Variants in PALS2 observed in about 807,000 individuals in gnomAD.
The protein encoded by PALS2 is protein PALS2.
In PALS2, 27 loss-of-function variants were observed where a neutral mutation model predicts 61.6. That is an observed-to-expected ratio of 0.44 (90% CI 0.32 to 0.60). The LOEUF (loss-of-function observed/expected upper bound fraction) is 0.60. PALS2 is among the 20% of genes least tolerant of loss of function. PALS2 has a pLI of 0.05. For missense variants in PALS2, 554 were observed against 639.4 expected (o/e 0.87, Z 1.44); for synonymous variants, 236 against 218.6 (o/e 1.08, Z -0.70).
chr7:24,687,342 ATATCTAACC>A lies in PALS2; in HGVS notation c.1447-92_1447-84del. The A allele has an allele frequency of 1.1e-6, 1 of 922,776 alleles. No homozygotes were observed. The highest frequency in any genetic ancestry group is 1.7e-6 in the Non-Finnish European group (1 of 605,286). The allele number at this position is 922,776 out of a possible 1,614,324, so 57.2% of individuals were successfully genotyped here. ...GATTAATACCAGAATTACCAGAAATATATCTAACCTATTTATTATATTCACTTCTAGTTG... is the reference window on the plus strand; with the variant it reads ...GATTAATACCAGAATTACCAGAAATATATTTATTATATTCACTTCTAGTTG... On this transcript the variant is annotated intron_variant, in intron 11 of 11. Coordinates refer to ENST00000222644, the MANE Select transcript of PALS2 (RefSeq NM_001303037.2). This position sits in a 1 kb window ranked among gnomAD's most constrained non-coding sequence, Gnocchi z 4.5.
intron 11 of PALS2, among the ~76,000 whole-genome samples, chr7:24,681,248 T>A (rs1304630931): frequency 6.6e-6 from 1 of 152,082 alleles, no homozygotes; most frequent in Non-Finnish European, 1.5e-5. Flanking sequence ...TTAATGGAAA[T>A]TCAAAAATAT....
rs1783910455 is a variant in PALS2, at chr7:24,606,634, G to A, written c.-2-17032G>A. On this transcript the variant is annotated intron_variant, in intron 1 of 11. Transcript: ENST00000222644. ...TTGTTTCATTTTGTTTTTTTGAGAT[G>A]GGGTCTTGCTATGTTGCCCAGACTG... is the stretch of plus-strand genomic sequence containing the variant. Among the ~76,000 whole-genome samples, 3 of 151,654 alleles carry A rather than the reference G, an allele frequency of 2.0e-5. No individual in the cohort carries two copies. The South Asian group carries it at 6.2e-4, about 32-fold the overall frequency.
At chr7:24,606,482 G>A (rs1345290894) in intron 1 of PALS2, among the ~76,000 whole-genome samples, 1 of 152,122 alleles carries the variant, frequency 6.6e-6, no homozygotes, top group Non-Finnish European at 1.5e-5. Context: ...ATTTGTTGTT[G>A]AGATTAGTTT....
At chr7:24,642,344 T>G (rs1785600243) in intron 3 of PALS2, among the ~76,000 whole-genome samples, 1 of 152,168 alleles carries the variant, frequency 6.6e-6, no homozygotes, top group Admixed American at 6.5e-5. Flanking sequence ...TAAGTATGAT[T>G]TTAGCAATGG....
intron 1 of PALS2, among the ~76,000 whole-genome samples, chr7:24,574,961 A>T (rs74682844): frequency 0.019 from 2,884 of 152,228 alleles, 97 homozygotes; most frequent in African/African-American, 0.066. Flanking sequence ...GATTATAGTT[A>T]TGTCTTCTGA....
intron 9 of PALS2, among the ~76,000 whole-genome samples, chr7:24,676,474 G>A (rs1192762399): frequency 1.3e-5 from 2 of 152,094 alleles, no homozygotes; most frequent in Non-Finnish European, 2.9e-5. Context: ...GAATGGTAAC[G>A]CCTAGGTTTT....
chr7:24,578,668 G>A (rs1164701466), intron 1 of PALS2, among the ~76,000 whole-genome samples: 1 of 152,174 alleles, frequency 6.6e-6, no homozygotes, highest in East Asian at 1.9e-4. Context: ...ACCAGCCTGG[G>A]AAACTGGAGA....
intron 11 of PALS2, 66 bp downstream of exon 11, chr7:24,680,586 T>A: frequency 6.6e-7 from 1 of 1,505,684 alleles, no homozygotes. Context: ...TTAACTGTTA[T>A]CTAATTTATT....
rs1783539168 is a variant in PALS2 at position 24,596,737 on chromosome 7, C to T, written c.-3+23144C>T. 6.6e-6 allele frequency among the ~76,000 whole-genome samples: 1 copy of T among 152,274 alleles called. No homozygotes were observed. The highest frequency in any genetic ancestry group is 2.1e-4 in the South Asian group (1 of 4,822). ...AAAAAAGGACTCTCCGTATATCTAG[C>T]TTTCTCCTGTGTGAGCACTACACTT... On this transcript the variant is annotated intron_variant, in intron 1 of 11. Coordinates refer to ENST00000222644, the MANE Select transcript of PALS2 (RefSeq NM_001303037.2). The surrounding 1 kb of genome is among the most constrained non-coding windows in gnomAD (Gnocchi z 4.5).
At chr7:24,679,046 A>G in intron 9 of PALS2, 85 bp from the exon 10 acceptor site, 1 of 1,237,440 alleles carries the variant, frequency 8.1e-7, no homozygotes, top group East Asian at 2.4e-5. Context: ...CCAGTGGAAA[A>G]ACGTTAAGCC....
intron 1 of PALS2, among the ~76,000 whole-genome samples, chr7:24,578,553 C>T (rs1782724514): frequency 1.3e-5 from 2 of 152,182 alleles, no homozygotes; most frequent in African/African-American, 2.4e-5. Flanking sequence ...TCGTTTCTCT[C>T]TTCTTCTCTG....
At chr7:24,647,452 C>T (rs1785900359) in intron 3 of PALS2, among the ~76,000 whole-genome samples, 1 of 152,144 alleles carries the variant, frequency 6.6e-6, no homozygotes, top group Non-Finnish European at 1.5e-5. Context: ...TCATGCCCAG[C>T]CTCATTGATC....
intron 1 of PALS2, among the ~76,000 whole-genome samples, chr7:24,588,483 C>T (rs1299385014): frequency 2.0e-5 from 3 of 152,092 alleles, no homozygotes; most frequent in Non-Finnish European, 4.4e-5. Flanking sequence ...TAGGTATTCT[C>T]TTTTACAGCA....
At chr7:24,600,121 T>G (rs1340625077) in intron 1 of PALS2, among the ~76,000 whole-genome samples, 1 of 152,172 alleles carries the variant, frequency 6.6e-6, no homozygotes, top group African/African-American at 2.4e-5. Context: ...CATCATAGAT[T>G]TGCTTGTAAG....
intron 7 of PALS2, 81 bp from the exon 8 acceptor site, chr7:24,665,940 C>A: frequency 7.6e-7 from 1 of 1,323,720 alleles, no homozygotes; most frequent in Non-Finnish European, 1.1e-6. Flanking sequence ...GATAATTCTC[C>A]CACCCCTGTA....
intron 1 of PALS2, among the ~76,000 whole-genome samples, chr7:24,605,691 A>T (rs1405893221): frequency 6.6e-6 from 1 of 152,064 alleles, no homozygotes; most frequent in African/African-American, 2.4e-5. Flanking sequence ...AAGAGCAGAG[A>T]TGGAAAGCTG....
At chr7:24,638,942 C>A (rs568012901) in intron 2 of PALS2, among the ~76,000 whole-genome samples, 1 of 152,164 alleles carries the variant, frequency 6.6e-6, no homozygotes, top group Non-Finnish European at 1.5e-5. Flanking sequence ...AGTACTGTTG[C>A]TGATCATATA....
intron 1 of PALS2, among the ~76,000 whole-genome samples, chr7:24,614,959 C>G (rs1784240812): frequency 6.6e-6 from 1 of 151,758 alleles, no homozygotes; most frequent in Non-Finnish European, 1.5e-5. Flanking sequence ...TATCTGACCA[C>G]AATGAAATAA....
intron 1 of PALS2, among the ~76,000 whole-genome samples, chr7:24,580,884 C>T (rs1384257632): frequency 6.6e-6 from 1 of 152,176 alleles, no homozygotes; most frequent in Non-Finnish European, 1.5e-5. Context: ...TAAATGCTCT[C>T]CACACATTAT....
Sources: allele counts gnomAD v4.1 joint callset (sites outside exome capture counted in the v4.1 genomes callset), GRCh38; gene constraint gnomAD v4.1.1; non-coding constraint Gnocchi (gnomAD v3.1); transcripts MANE v1.5; gene names NCBI Gene and HGNC (gene_info 2026-07-23, HGNC 2026-07-21).